RBM6: variants seen among roughly 807,000 people sequenced by gnomAD.
The protein encoded by RBM6 is RNA-binding protein 6.
RBM6 carries 23 observed loss-of-function variants against 140.4 expected under a neutral mutation model. That is an observed-to-expected ratio of 0.16 (90% CI 0.12 to 0.23). The LOEUF (loss-of-function observed/expected upper bound fraction) is 0.23. Ranked by LOEUF, RBM6 falls within the 10% of genes least tolerant of loss-of-function variation. The pLI, the probability that RBM6 is intolerant of heterozygous loss-of-function variation, is 1.00. For synonymous variants in RBM6, 439 were observed against 475.6 expected (o/e 0.92, Z 1.00); for missense variants, 1,139 against 1,386.7 (o/e 0.82, Z 2.84).
At chr3:50,023,144 T>C (rs149043458) in intron 6 of RBM6, among the ~76,000 whole-genome samples, 1 of 152,264 alleles carries the variant, frequency 6.6e-6, no homozygotes, top group Non-Finnish European at 1.5e-5. Flanking sequence ...GTATATTCGC[T>C]GAATACGAGA....
intron 15 of RBM6, 90 bp from the exon 16 acceptor site, chr3:50,064,941 G>A: frequency 9.5e-7 from 1 of 1,057,100 alleles, no homozygotes. Context: ...CAGAGTGCTG[G>A]GATTATAGGC....
In RBM6 at chr3:50,062,032, G is replaced by T. The variant is rs140886609; in HGVS notation, c.2510G>T (p.Ser837Ile). Residue 837 changes from serine to isoleucine, a missense_variant, in exon 15 of 21, where the codon AGT becomes ATT. By Grantham distance (142) the Ser-to-Ile change is moderately radical. This residue lies in a region of RBM6 where 163 missense variants were observed against 182.8 expected (regional missense o/e 0.89). Coordinates refer to ENST00000266022, the MANE Select transcript of RBM6 (RefSeq NM_005777.3). ...GAGATCAAGGAAAAAAAACCCACCA[G>T]TCAAGGAAAGTCAAGTAGCAAGAAG... Reference protein sequence around the residue: ...EEEIKEKKPTSQGKSSSKKEM... With the variant: ...EEEIKEKKPTIQGKSSSKKEM... The T allele has an allele frequency of 2.5e-6, 4 of 1,613,914 alleles. No homozygotes were observed. Among genetic ancestry groups the T allele is most frequent in the Non-Finnish European group, 3.4e-6 (4 of 1,179,968 alleles).
chr3:50,054,894 G>C (rs144480523), intron 8 of RBM6, among the ~76,000 whole-genome samples: 3,198 of 152,222 alleles, frequency 0.021, 139 homozygotes, highest in African/African-American at 0.074. Context: ...CGCAATCTCG[G>C]ATCACTGCAA....
At chr3:50,040,485 TATATATATACAC>T (rs1487388470) in intron 6 of RBM6, among the ~76,000 whole-genome samples, 2,547 of 119,844 alleles carry the variant, frequency 0.021, 44 homozygotes, top group Middle Eastern at 0.036. Flanking sequence ...TATATATATA[TATATATATACAC>T]ACACACACAC....
At chr3:49,983,585 T>C (rs2085408860) in intron 5 of RBM6, among the ~76,000 whole-genome samples, 1 of 152,220 alleles carries the variant, frequency 6.6e-6, no homozygotes, top group Non-Finnish European at 1.5e-5. Flanking sequence ...TTTTTGGCAT[T>C]TACAAAATAT....
intron 16 of RBM6, chr3:50,065,606 A>G (rs2090096920): frequency 2.2e-6 from 1 of 457,132 alleles, no homozygotes; most frequent in Non-Finnish European, 4.4e-6. Context: ...TCTCAACCTA[A>G]TCACCAGTGA....
chr3:50,055,933 A>G (rs1289699389), intron 8 of RBM6, among the ~76,000 whole-genome samples: 1 of 152,228 alleles, frequency 6.6e-6, no homozygotes, highest in Non-Finnish European at 1.5e-5. Flanking sequence ...ACAGTCCTGT[A>G]GTCATCCCTT....
chr3:50,049,441 C>A (rs566282584), intron 7 of RBM6, among the ~76,000 whole-genome samples: 1 of 152,214 alleles, frequency 6.6e-6, no homozygotes, highest in Admixed American at 6.5e-5. Flanking sequence ...AGTTTGATTG[C>A]AGTGAGCATG....
At position 49,996,686 on chromosome 3, in the gene RBM6, C is replaced by T. The variant is rs150897884; in HGVS notation, c.1484-2754C>T. Among the ~76,000 whole-genome samples, 715 of 152,278 alleles carry T rather than the reference C, an allele frequency of 4.7e-3. 2 individuals carry two copies. Among genetic ancestry groups the T allele is most frequent in the Non-Finnish European group, 7.5e-3 (508 of 68,026 alleles). Reference sequence around the variant, plus strand: ...CTGCCATAGATATTTAAAATAGAAGCAACTGTTATGCTGCTAAATTGAATA... The same window carrying T: ...CTGCCATAGATATTTAAAATAGAAGTAACTGTTATGCTGCTAAATTGAATA... On this transcript the variant is annotated intron_variant, in intron 5 of 20. Coordinates refer to ENST00000266022, the MANE Select transcript of RBM6 (RefSeq NM_005777.3).
intron 5 of RBM6, among the ~76,000 whole-genome samples, chr3:49,994,769 C>T (rs771099553): frequency 7.9e-5 from 12 of 151,244 alleles, no homozygotes; most frequent in Non-Finnish European, 1.6e-4. Context: ...AAAAAAAAAC[C>T]TTCCTGCTAA....
At chr3:50,054,205 C>A (rs1213804514) in intron 7 of RBM6, 130 bp from the exon 8 acceptor site, 3 of 756,658 alleles carry the variant, frequency 4.0e-6, no homozygotes, top group African/African-American at 3.5e-5. Flanking sequence ...ATATCAGATT[C>A]TTTTTTTAAG....
intron 5 of RBM6, among the ~76,000 whole-genome samples, chr3:49,985,530 A>G (rs1353402575): frequency 6.6e-6 from 1 of 152,174 alleles, no homozygotes; most frequent in South Asian, 2.1e-4. Context: ...AGGACTAGAT[A>G]GTGGTGATGG....
At chr3:49,970,453 G>A (rs1479034429) in intron 3 of RBM6, among the ~76,000 whole-genome samples, 1 of 152,094 alleles carries the variant, frequency 6.6e-6, no homozygotes, top group Non-Finnish European at 1.5e-5. Flanking sequence ...TAGTTTGAAA[G>A]TATATGTCTT....
chr3:49,955,699 T>G (rs1243875295), intron 1 of RBM6, among the ~76,000 whole-genome samples: 1 of 151,952 alleles, frequency 6.6e-6, no homozygotes, highest in Non-Finnish European at 1.5e-5. Flanking sequence ...AAAAATTAGC[T>G]GGGTGTACTG....
intron 4 of RBM6, among the ~76,000 whole-genome samples, chr3:49,973,475 A>G (rs940465486): frequency 6.6e-6 from 1 of 152,076 alleles, no homozygotes; most frequent in African/African-American, 2.4e-5. Flanking sequence ...TATTTAACAC[A>G]TGAGAAACTG....
intron 2 of RBM6, among the ~76,000 whole-genome samples, chr3:49,964,109 G>A (rs2084404654): frequency 6.6e-6 from 1 of 151,804 alleles, no homozygotes; most frequent in African/African-American, 2.4e-5. Context: ...GTTTCACCAT[G>A]TTGGCCAGGC....
At chr3:50,054,431 G>T in intron 8 of RBM6, 36 bp downstream of exon 8, 1 of 1,522,524 alleles carries the variant, frequency 6.6e-7, no homozygotes, top group Non-Finnish European at 9.1e-7. Context: ...TTTATCTCGT[G>T]CATTGAGCAA....
At chr3:49,946,269 C>G (rs1389247968) in intron 1 of RBM6, among the ~76,000 whole-genome samples, 1 of 151,134 alleles carries the variant, frequency 6.6e-6, no homozygotes, top group African/African-American at 2.4e-5. Context: ...GAGACAGATT[C>G]TCGCTCTGTC....
In RBM6 at chr3:50,061,525, C is replaced by T. The variant is rs1165670435; in HGVS notation, c.2417C>T (p.Thr806Ile). The change falls in exon 14 of 21, where the codon ACT (threonine) becomes ATT (isoleucine). Residue 806 changes from threonine (T) to isoleucine (I), a missense_variant. Transcript: ENST00000266022. The part of the protein sequence containing the change: ...TGYYYDPLAG[T>I]YYDPNTQQEV... Reference sequence around the variant, plus strand: ...TACTATTATGACCCCTTGGCAGGAACTTATTATGACCCCAATACCCAGGTG... The same window carrying T: ...TACTATTATGACCCCTTGGCAGGAATTTATTATGACCCCAATACCCAGGTG... 6.5e-7 allele frequency: 1 copy of T among 1,534,480 alleles called. No homozygotes were observed. Among genetic ancestry groups the T allele is most frequent in the Non-Finnish European group, 8.8e-7 (1 of 1,138,706 alleles).
Sources: allele counts gnomAD v4.1 joint callset (sites outside exome capture counted in the v4.1 genomes callset), GRCh38; gene constraint gnomAD v4.1.1; regional missense constraint gnomAD v4.1.1; transcripts MANE v1.5; gene names NCBI Gene and HGNC (gene_info 2026-07-23, HGNC 2026-07-21).